MED13L: variants seen among roughly 807,000 people sequenced by gnomAD.
MED13L encodes mediator of RNA polymerase II transcription subunit 13-like.
Under a neutral mutation model 220.9 loss-of-function variants are expected in MED13L, and 7 were observed. That is an observed-to-expected ratio of 0.03 (90% CI 0.02 to 0.06). MED13L has a LOEUF of 0.06. MED13L is among the 10% of genes least tolerant of loss of function. The probability of loss-of-function intolerance (pLI) is 1.00; values close to 1 mark genes in which losing one functional copy is unlikely to be tolerated. For synonymous variants in MED13L, 1,011 were observed against 1,015.2 expected, an observed-to-expected ratio of 1.00 and a Z score of 0.08; for missense variants, 1,965 against 2,760.5, an observed-to-expected ratio of 0.71 and a Z score of 6.46.
chr12:115,988,323 C>CA (rs377621026), intron 17 of MED13L, among the ~76,000 whole-genome samples: 41 of 152,252 alleles, frequency 2.7e-4, no homozygotes, highest in African/African-American at 9.9e-4. Flanking sequence ...ATTTCACACA[C>CA]AAATCTAGAT....
intron 2 of MED13L, among the ~76,000 whole-genome samples, chr12:116,184,306 TA>T (rs199912478): frequency 0.021 from 3,186 of 152,316 alleles, 44 homozygotes; most frequent in Non-Finnish European, 0.034. Flanking sequence ...AGAAGTAAAC[TA>T]GCAGTTACAC....
At chr12:116,135,000 G>A (rs1036234988) in intron 2 of MED13L, among the ~76,000 whole-genome samples, 7 of 151,862 alleles carry the variant, frequency 4.6e-5, no homozygotes, top group East Asian at 1.9e-4. Context: ...AAACCCTGCC[G>A]CTACTAAAAA....
chr12:116,239,859 T>C (rs533736544), intron 1 of MED13L, among the ~76,000 whole-genome samples: 8 of 152,218 alleles, frequency 5.3e-5, no homozygotes, highest in Non-Finnish European at 8.8e-5. Flanking sequence ...TAGTCCTTGT[T>C]CTGCTAGGAG....
intron 6 of MED13L, 35 bp downstream of exon 6, chr12:116,019,743 G>C: frequency 6.3e-7 from 1 of 1,579,678 alleles, no homozygotes; most frequent in Non-Finnish European, 8.7e-7. Context: ...AGAGGAAGAA[G>C]AATAAAGTTC....
At chr12:115,970,813 C>T in intron 26 of MED13L, 43 bp from the exon 27 acceptor site, 1 of 1,577,180 alleles carries the variant, frequency 6.3e-7, no homozygotes, top group Non-Finnish European at 8.7e-7. Flanking sequence ...ATGAACAACC[C>T]CAGAAATGAG....
Position 116,176,787 on chromosome 12 carries a change from T to C in MED13L, c.310+60681A>G, listed in dbSNP as rs951978031. On this transcript the variant is annotated intron_variant, in intron 2 of 30. Transcript: ENST00000281928. ...CAGATGAAACAAAGACATGAAGGAA[T>C]TGAGAAAAAGCAAGGGGGAGGAAGG... Among the ~76,000 whole-genome samples, 8 of 142,136 alleles carry C rather than the reference T, an allele frequency of 5.6e-5. No homozygotes were observed. In the South Asian group the frequency reaches 6.6e-4, roughly 12 times the overall value. The allele number at this position is 142,136 out of a possible 152,430, so 93.2% of individuals were successfully genotyped here.
chr12:116,048,493 A>G (rs1480186651), intron 4 of MED13L, among the ~76,000 whole-genome samples: 1 of 152,224 alleles, frequency 6.6e-6, no homozygotes, highest in Non-Finnish European at 1.5e-5. Context: ...GAATGAAGTG[A>G]TAGAAACTTA....
intron 2 of MED13L, among the ~76,000 whole-genome samples, chr12:116,141,028 C>T (rs912930835): frequency 6.6e-6 from 1 of 152,050 alleles, no homozygotes; most frequent in African/African-American, 2.4e-5. Context: ...TGTCTCTAAT[C>T]GTGAGAGCAA....
chr12:116,035,739 C>T (rs542144280), intron 4 of MED13L, among the ~76,000 whole-genome samples: 7 of 152,104 alleles, frequency 4.6e-5, no homozygotes, highest in African/African-American at 1.4e-4. Context: ...CCCAAGCACA[C>T]GCCACCACAC....
intron 2 of MED13L, among the ~76,000 whole-genome samples, chr12:116,200,260 A>G (rs1881927929): frequency 6.6e-6 from 1 of 152,154 alleles, no homozygotes; most frequent in Admixed American, 6.6e-5. Context: ...GAAAAAAGTA[A>G]TAATGGCCAC....
intron 4 of MED13L, among the ~76,000 whole-genome samples, chr12:116,039,731 G>C (rs1435704977): frequency 6.6e-6 from 1 of 152,082 alleles, no homozygotes; most frequent in Non-Finnish European, 1.5e-5. Flanking sequence ...GAAAAGCTTG[G>C]TTTATATGAG....
chr12:116,276,917 A>G, intron 1 of MED13L, 143 bp downstream of exon 1: 1 of 994,842 alleles, frequency 1.0e-6, no homozygotes. Flanking sequence ...CAAAAGGGGG[A>G]GAATCGGCGA....
chr12:116,028,197 A>G (rs1205587984), intron 4 of MED13L, among the ~76,000 whole-genome samples: 2 of 152,232 alleles, frequency 1.3e-5, no homozygotes, highest in African/African-American at 4.8e-5. Flanking sequence ...TGTTAAAATG[A>G]GATCAGATTT....
intron 3 of MED13L, among the ~76,000 whole-genome samples, chr12:116,100,278 C>T (rs1247098495): frequency 3.3e-5 from 5 of 151,912 alleles, no homozygotes; most frequent in Non-Finnish European, 2.9e-5. Flanking sequence ...GGTTCTCAAA[C>T]GTTTTTGGGT....
Position 116,050,766 on chromosome 12 carries a change from G to A in MED13L, c.480-28165C>T, listed in dbSNP as rs562136805. 1.2e-4 allele frequency among the ~76,000 whole-genome samples: 18 copies of A among 152,062 alleles called. No individual in the cohort carries two copies. In the East Asian group the frequency reaches 2.3e-3, roughly 20 times the overall value. On this transcript the variant is annotated intron_variant, in intron 4 of 30. Transcript: ENST00000281928. ...AGACTAGCCAACATGGTGAAACCCC[G>A]TCTCTACTAAAAATACAAAAAAATC... is the stretch of plus-strand genomic sequence containing the variant.
chr12:116,208,998 A>G (rs937731780), intron 2 of MED13L, among the ~76,000 whole-genome samples: 7 of 151,934 alleles, frequency 4.6e-5, no homozygotes, highest in African/African-American at 1.5e-4. Context: ...AGCACCAGGG[A>G]AAAAAAAGGA....
At chr12:116,076,046 T>C (rs967209684) in intron 4 of MED13L, among the ~76,000 whole-genome samples, 3 of 151,666 alleles carry the variant, frequency 2.0e-5, no homozygotes, top group Admixed American at 2.0e-4. Context: ...CCCGAGTAGC[T>C]GGGACTACAG....
chr12:116,017,210 C>T (rs138706493), intron 7 of MED13L, among the ~76,000 whole-genome samples: 2 of 152,240 alleles, frequency 1.3e-5, no homozygotes, highest in African/African-American at 4.8e-5. Context: ...TTTGAAGATC[C>T]ATAGTTAATT....
chr12:115,986,091 G>A (rs748845668), intron 19 of MED13L, among the ~76,000 whole-genome samples, 175 bp downstream of exon 19: 24 of 152,120 alleles, frequency 1.6e-4, no homozygotes, highest in Non-Finnish European at 3.1e-4. Flanking sequence ...AAGCAAAGAT[G>A]GGAAAGCAAT....
Sources: gnomAD v4.1 joint callset for allele counts (sites outside exome capture counted in the v4.1 genomes callset) on GRCh38, gnomAD v4.1.1 for gene constraint, MANE v1.5 for transcripts, NCBI Gene and HGNC (gene_info 2026-07-23, HGNC 2026-07-21) for gene names.